The following ADAMTSL1 variants were observed in gnomAD, a reference collection of about 807,000 sequenced individuals.
ADAMTSL1 encodes the protein ADAMTS like 1.
ADAMTSL1 carries 126 observed loss-of-function variants against 201.8 expected under a neutral mutation model. That is an observed-to-expected ratio of 0.62 (90% confidence interval 0.54 to 0.72). The LOEUF is 0.72. Ranked by LOEUF, ADAMTSL1 falls within the 30% of genes least tolerant of loss-of-function variation. The probability of loss-of-function intolerance (pLI) is 0.00; values close to 1 mark genes in which losing one functional copy is unlikely to be tolerated. For synonymous variants in ADAMTSL1, 1,121 were observed against 903.4 expected, an observed-to-expected ratio of 1.24 and a Z score of -4.32; for missense variants, 2,679 against 2,277.8, an observed-to-expected ratio of 1.18 and a Z score of -3.59.
chr9:18,748,347 G>T (rs1360016979), intron 15 of ADAMTSL1, among the ~76,000 whole-genome samples: 3 of 152,138 alleles, frequency 2.0e-5, no homozygotes, highest in Admixed American at 6.6e-5. Context: ...ATGTCTTTCA[G>T]ATTCCAAATT....
At chr9:18,873,949 G>C (rs1343746516) in intron 23 of ADAMTSL1, among the ~76,000 whole-genome samples, 1 of 151,976 alleles carries the variant, frequency 6.6e-6, no homozygotes, top group Non-Finnish European at 1.5e-5. Flanking sequence ...GTTTCCATTT[G>C]TGTCGTCTAT....
At chr9:18,041,345 A>G (rs1821418947) in intron 1 of ADAMTSL1, among the ~76,000 whole-genome samples, 1 of 152,204 alleles carries the variant, frequency 6.6e-6, no homozygotes, top group Non-Finnish European at 1.5e-5. Flanking sequence ...ATAAATATTT[A>G]ATGGTGCTAG....
intron 1 of ADAMTSL1, among the ~76,000 whole-genome samples, chr9:18,008,428 G>A (rs555724406): frequency 2.9e-4 from 44 of 152,054 alleles, no homozygotes; most frequent in Non-Finnish European, 4.9e-4. Context: ...GAGGCCCTGC[G>A]TGATTCAGCT....
intron 2 of ADAMTSL1, among the ~76,000 whole-genome samples, chr9:18,210,965 C>G (rs1225950662): frequency 3.4e-5 from 5 of 148,542 alleles, no homozygotes; most frequent in East Asian, 2.0e-4. Context: ...GTGATAAGTT[C>G]TATTAAAAAA....
intron 23 of ADAMTSL1, among the ~76,000 whole-genome samples, chr9:18,837,589 A>G (rs1328064690): frequency 6.6e-6 from 1 of 152,228 alleles, no homozygotes; most frequent in Admixed American, 6.5e-5. Flanking sequence ...TTCTTCCCCT[A>G]CTTCACACAC....
At chr9:18,282,227 C>T (rs946626823) in intron 2 of ADAMTSL1, among the ~76,000 whole-genome samples, 14 of 152,180 alleles carry the variant, frequency 9.2e-5, no homozygotes, top group Admixed American at 2.6e-4. Flanking sequence ...ATCCGTGTTG[C>T]TGCAAAGGAC....
chr9:18,507,160 G>A (rs1390256458), intron 2 of ADAMTSL1, among the ~76,000 whole-genome samples: 2 of 152,152 alleles, frequency 1.3e-5, no homozygotes, highest in East Asian at 1.9e-4. Context: ...AGGCTAAACT[G>A]TATTAATTCT....
intron 2 of ADAMTSL1, among the ~76,000 whole-genome samples, chr9:18,343,964 T>C (rs541751619): frequency 6.6e-6 from 1 of 152,254 alleles, no homozygotes; most frequent in South Asian, 2.1e-4. Flanking sequence ...CCCAGGAGAA[T>C]GTCTCTTGCT....
chr9:18,479,794 T>C (rs1313937206), intron 1 of ADAMTSL1, among the ~76,000 whole-genome samples: 1 of 152,128 alleles, frequency 6.6e-6, no homozygotes, highest in African/African-American at 2.4e-5. Context: ...AAAATAAGAA[T>C]GACTTGGCAA....
chr9:18,478,297 A>T (rs1225725436), intron 1 of ADAMTSL1, among the ~76,000 whole-genome samples: 1 of 152,140 alleles, frequency 6.6e-6, no homozygotes, highest in African/African-American at 2.4e-5. Context: ...TTATATTAGC[A>T]TGAGACATGG....
At chr9:18,350,448 CA>C in intron 2 of ADAMTSL1, among the ~76,000 whole-genome samples, 1 of 152,038 alleles carries the variant, frequency 6.6e-6, no homozygotes, top group Non-Finnish European at 1.5e-5. Flanking sequence ...GCCTGTACCC[CA>C]AGTTTGAGAT....
chr9:18,181,171 A>G (rs1283276474), intron 2 of ADAMTSL1, among the ~76,000 whole-genome samples: 1 of 152,196 alleles, frequency 6.6e-6, no homozygotes, highest in Non-Finnish European at 1.5e-5. Flanking sequence ...TAGACCTAAA[A>G]CCATAAAAGC....
chr9:18,185,917 A>G (rs891151112), intron 2 of ADAMTSL1, among the ~76,000 whole-genome samples: 6 of 152,202 alleles, frequency 3.9e-5, no homozygotes, highest in African/African-American at 1.2e-4. Flanking sequence ...GGAACATGGA[A>G]TAGTTTGAGA....
chr9:18,702,483 C>T (rs2133308272), intron 13 of ADAMTSL1, among the ~76,000 whole-genome samples: 1 of 152,180 alleles, frequency 6.6e-6, no homozygotes, highest in East Asian at 1.9e-4. Context: ...ATTTTATTGT[C>T]ACTGTTTTCT....
Position 18,616,268 on chromosome 9 carries a change from G to T in ADAMTSL1, c.475-5975G>T, listed in dbSNP as rs553259590. ...TCAAACTCGTGGCCTCAAGTGATCC[G>T]CCTGCCTTGGCCTCCCAAAGTGTTG... On this transcript the variant is annotated intron_variant, in intron 4 of 28. Coordinates refer to ENST00000380548, the MANE Select transcript of ADAMTSL1 (RefSeq NM_001040272.6). 2.0e-5 allele frequency among the ~76,000 whole-genome samples: 3 copies of T among 152,218 alleles called. No homozygotes were observed. The East Asian group carries it at 5.8e-4, about 29-fold the overall frequency.
intron 2 of ADAMTSL1, among the ~76,000 whole-genome samples, chr9:18,337,114 A>G (rs991014758): frequency 3.3e-5 from 5 of 152,074 alleles, no homozygotes; most frequent in African/African-American, 1.2e-4. Flanking sequence ...GGAGACACAG[A>G]CCCACCCTCA....
At position 18,809,247 on chromosome 9, in the gene ADAMTSL1, G is replaced by A. The variant is rs139244291; in HGVS notation, c.3806-7862G>A. 9.1e-4 allele frequency among the ~76,000 whole-genome samples: 138 copies of A among 152,312 alleles called. 1 individual carries two copies. Among genetic ancestry groups the A allele is most frequent in the African/African-American group, 3.0e-3 (123 of 41,572 alleles). ...CACACAGGGATGCATGCTTTATATGGAGTGGTTAGAAAAGGCCTCACTAGG... is the reference window on the plus strand; with the variant it reads ...CACACAGGGATGCATGCTTTATATGAAGTGGTTAGAAAAGGCCTCACTAGG... On this transcript the variant is annotated intron_variant, in intron 20 of 28. Coordinates refer to ENST00000380548, the MANE Select transcript of ADAMTSL1 (RefSeq NM_001040272.6).
At chr9:18,257,794 A>G (rs559090115) in intron 2 of ADAMTSL1, among the ~76,000 whole-genome samples, 10 of 152,356 alleles carry the variant, frequency 6.6e-5, no homozygotes, top group Admixed American at 6.5e-4. Context: ...GACATAAAAT[A>G]TTATTTGGTC....
intron 20 of ADAMTSL1, among the ~76,000 whole-genome samples, chr9:18,806,901 G>A (rs6475247): frequency 0.35 from 53,807 of 152,030 alleles, 9,655 homozygotes; most frequent in East Asian, 0.49. Flanking sequence ...GCTGACGTAC[G>A]AGTTTTAGCC....
Sources: allele counts gnomAD v4.1 joint callset (sites outside exome capture counted in the v4.1 genomes callset), GRCh38; gene constraint gnomAD v4.1.1; transcripts MANE v1.5; gene names NCBI Gene and HGNC (gene_info 2026-07-23, HGNC 2026-07-21).